TENM4: variants seen among roughly 807,000 people sequenced by gnomAD.
TENM4 encodes the protein teneurin-4.
TENM4 carries 82 observed loss-of-function variants against 243.3 expected under a neutral mutation model. That is an observed-to-expected ratio of 0.34 (90% CI 0.28 to 0.40). The LOEUF is 0.40. TENM4 is among the 10% of genes least tolerant of loss of function. The pLI is 1.00. For missense variants in TENM4, 3,138 were observed against 3,673.3 expected (o/e 0.85, Z 3.77); for synonymous variants, 1,412 against 1,456.3 (o/e 0.97, Z 0.69).
chr11:78,746,689 A>C (rs1026029189), intron 19 of TENM4, among the ~76,000 whole-genome samples: 4 of 152,210 alleles, frequency 2.6e-5, no homozygotes, highest in African/African-American at 9.6e-5. Flanking sequence ...TGTCCCAGCT[A>C]AGTGGGTTGG....
intron 1 of TENM4, among the ~76,000 whole-genome samples, chr11:79,411,793 T>G (rs1271613568): frequency 6.6e-6 from 1 of 152,198 alleles, no homozygotes; most frequent in Non-Finnish European, 1.5e-5. Context: ...ACAGAGTGGA[T>G]GGGATGTTTC....
chr11:79,148,364 C>T (rs1862432757), intron 4 of TENM4, among the ~76,000 whole-genome samples: 1 of 151,994 alleles, frequency 6.6e-6, no homozygotes, highest in Non-Finnish European at 1.5e-5. Context: ...TGGGGAGATA[C>T]CAACCTCCAA....
At chr11:78,988,494 T>G (rs951256709) in intron 6 of TENM4, among the ~76,000 whole-genome samples, 5 of 152,236 alleles carry the variant, frequency 3.3e-5, no homozygotes, top group Admixed American at 6.5e-5. Context: ...AAGGCCTATT[T>G]GAATTCAATG....
At chr11:79,072,164 C>G (rs1404994279) in intron 4 of TENM4, among the ~76,000 whole-genome samples, 3 of 152,162 alleles carry the variant, frequency 2.0e-5, no homozygotes, top group Non-Finnish European at 4.4e-5. Context: ...GTTTTAAAAA[C>G]TTTCTTGACT....
At chr11:78,829,078 C>T (rs1591054536) in intron 12 of TENM4, among the ~76,000 whole-genome samples, 1 of 152,328 alleles carries the variant, frequency 6.6e-6, no homozygotes, top group Non-Finnish European at 1.5e-5. Flanking sequence ...TGAGGGGCCC[C>T]TCAAGCACTA....
At chr11:79,066,922 T>C (rs1860275416) in intron 5 of TENM4, among the ~76,000 whole-genome samples, 1 of 152,214 alleles carries the variant, frequency 6.6e-6, no homozygotes, top group Admixed American at 6.5e-5. Context: ...CCTACTCAGC[T>C]GGCTCAGGCT....
intron 6 of TENM4, among the ~76,000 whole-genome samples, chr11:78,984,679 C>T (rs147380477): frequency 5.9e-5 from 9 of 152,298 alleles, no homozygotes; most frequent in African/African-American, 1.7e-4. Context: ...ATTACTGCTG[C>T]TGCTGCTACG....
At position 78,654,961 on chromosome 11, in the gene TENM4, C is replaced by T; in HGVS notation, c.*3097G>A. ...AGAAGGCAGGAACTGTAGGATCATA[C>T]ACCTGGGCAGGTGAGGGAGGCCTGG... On this transcript the variant is annotated 3_prime_UTR_variant, in exon 34 of 34. Transcript: ENST00000278550. The T allele has an allele frequency of 6.6e-6, 1 of 152,530 alleles. No homozygotes were observed. Among genetic ancestry groups the T allele is most frequent in the South Asian group, 2.1e-4 (1 of 4,822 alleles). 9.4% of individuals were successfully genotyped at this position (152,530 alleles called of 1,614,324 possible).
chr11:79,078,430 A>G (rs1860585216), intron 4 of TENM4, among the ~76,000 whole-genome samples: 1 of 151,944 alleles, frequency 6.6e-6, no homozygotes, highest in East Asian at 1.9e-4. Flanking sequence ...TGAGTCCTTT[A>G]TTTTAAAGTG....
At chr11:79,362,447 A>G (rs1857606443) in intron 1 of TENM4, among the ~76,000 whole-genome samples, 1 of 152,248 alleles carries the variant, frequency 6.6e-6, no homozygotes, top group Admixed American at 6.5e-5. Flanking sequence ...GACCTAAAAT[A>G]TAATGGAGCT....
intron 12 of TENM4, among the ~76,000 whole-genome samples, chr11:78,850,943 C>T (rs1007614529): frequency 3.3e-5 from 5 of 152,172 alleles, no homozygotes; most frequent in South Asian, 2.1e-4. Context: ...TCTCATAAGG[C>T]GTCTGTCTTC....
Position 79,396,370 on chromosome 11 carries a change from A to G in TENM4, c.-321+44139T>C, listed in dbSNP as rs111824169. Among the ~76,000 whole-genome samples the G allele has an allele frequency of 3.5e-3, 537 of 152,256 alleles. 2 individuals are homozygous for G. The highest frequency in any genetic ancestry group is 0.012 in the African/African-American group (510 of 41,554). On this transcript the variant is annotated intron_variant, in intron 1 of 33. Coordinates refer to ENST00000278550, the MANE Select transcript of TENM4 (RefSeq NM_001098816.3). ...AGGAGTAGCTATAGATTGGTTTGCT[A>G]ATTACTTTATTATTGCAAGTCCCAG...
At chr11:78,884,508 C>T (rs1855508064) in intron 9 of TENM4, among the ~76,000 whole-genome samples, 1 of 152,118 alleles carries the variant, frequency 6.6e-6, no homozygotes, top group African/African-American at 2.4e-5. Context: ...CTTTGAAATC[C>T]CAAGTCTTGG....
At chr11:78,670,734 G>A (rs1449547629) in intron 31 of TENM4, among the ~76,000 whole-genome samples, 183 bp from the exon 32 acceptor site, 1 of 152,164 alleles carries the variant, frequency 6.6e-6, no homozygotes, top group Non-Finnish European at 1.5e-5. Flanking sequence ...CTGCAAATAG[G>A]TTACAGATGT....
Position 78,790,885 on chromosome 11 carries a change from G to A in TENM4, c.2180-3802C>T, listed in dbSNP as rs552739486. Among the ~76,000 whole-genome samples the A allele has an allele frequency of 2.6e-5, 4 of 152,252 alleles. No individual in the cohort carries two copies. In the South Asian group the frequency reaches 8.3e-4, roughly 32 times the overall value. On this transcript the variant is annotated intron_variant, in intron 15 of 33. Transcript: ENST00000278550. Reference sequence around the variant, plus strand: ...AGGTCCTCTACACAGAGTTTCCCAGGCACTTAGTCTCACCCTTCCCATCTG... The same window carrying A: ...AGGTCCTCTACACAGAGTTTCCCAGACACTTAGTCTCACCCTTCCCATCTG...
chr11:79,351,822 G>A (rs913112855), intron 1 of TENM4, among the ~76,000 whole-genome samples: 7 of 151,908 alleles, frequency 4.6e-5, no homozygotes, highest in African/African-American at 1.5e-4. Flanking sequence ...CCTTTTTTCT[G>A]TTGAGGGCAT....
chr11:78,672,101 G>A lies in TENM4; in HGVS notation c.5725C>T (p.Gln1909Ter), dbSNP rs1489754229. Reference sequence around the variant, plus strand: ...ATCCTGGATGTGATGCGGCCCGCCTGGTCGTATTCCATTCTTTCAGACATG... The same window carrying A: ...ATCCTGGATGTGATGCGGCCCGCCTAGTCGTATTCCATTCTTTCAGACATG... ...GIMSERMEYD[Q>*]AGRITSRIFA... Residue 1909 changes from glutamine to a stop codon, truncating the protein, a stop_gained, in exon 31 of 34, where the codon CAG (glutamine) becomes TAG (stop). Transcript: ENST00000278550. LOFTEE classifies it high-confidence loss of function. 6.2e-7 allele frequency: 1 copy of A among 1,614,014 alleles called. No homozygotes were observed.
chr11:79,272,843 T>C (rs989187546), intron 2 of TENM4, among the ~76,000 whole-genome samples: 3 of 152,170 alleles, frequency 2.0e-5, no homozygotes, highest in Non-Finnish European at 4.4e-5. Flanking sequence ...CTTGGGTTTC[T>C]TGGACTTTAA....
chr11:79,034,588 A>AT lies in TENM4; in HGVS notation c.493+30149_493+30150insA, dbSNP rs201504974. 2.1e-3 allele frequency among the ~76,000 whole-genome samples: 321 copies of AT among 150,544 alleles called. 8 individuals are homozygous for AT. In the South Asian group the frequency reaches 0.058, roughly 27 times the overall value. ...ATATTGTGGAAGTTTAATTAAAAAA[A>AT]ATTTTTTTTTAAATTAGGTATCTAT... On this transcript the variant is annotated intron_variant, in intron 6 of 33. Transcript: ENST00000278550.
Sources: gnomAD v4.1 joint callset for allele counts (sites outside exome capture counted in the v4.1 genomes callset) on GRCh38, gnomAD v4.1.1 for gene constraint, MANE v1.5 for transcripts, NCBI Gene and HGNC (gene_info 2026-07-23, HGNC 2026-07-21) for gene names.